The following COL1A2 variants were observed in gnomAD, a reference collection of about 807,000 sequenced individuals.
COL1A2 encodes collagen type I alpha 2 chain, also known as collagen alpha-2(I) chain.
Under a neutral mutation model 174.3 loss-of-function variants are expected in COL1A2, and 49 were observed. The ratio of observed to expected loss-of-function variants is 0.28; its 90% CI spans 0.22 to 0.36. COL1A2 has a LOEUF of 0.36. COL1A2 is among the 10% of genes least tolerant of loss of function. The pLI is 1.00. For synonymous variants in COL1A2, 655 were observed against 606.6 expected, an observed-to-expected ratio of 1.08 and a Z score of -1.17; for missense variants, 1,438 against 1,822.7, an observed-to-expected ratio of 0.79 and a Z score of 3.84.
intron 39 of COL1A2, chr7:94,422,728 C>A: frequency 1.8e-6 from 1 of 549,758 alleles, no homozygotes; most frequent in South Asian, 2.1e-5. Context: ...AGAAATTTGC[C>A]ATAGTCTCTC....
rs1166824139 is a variant in COL1A2 at position 94,427,537 on chromosome 7, G to A, written c.3268-90G>A. The A allele has an allele frequency of 2.4e-5, 34 of 1,440,778 alleles. No homozygotes were observed. The highest frequency in any genetic ancestry group is 2.3e-4 in the East Asian group (10 of 44,030). 89.2% of individuals were successfully genotyped at this position (1,440,778 alleles called of 1,614,324 possible). On this transcript the variant is annotated intron_variant, in intron 48 of 51. Transcript: ENST00000297268. ...TTTTTACTGATGAGAACATGCTTCC[G>A]TGTGAAGCTCAACTGAAAATCTGCT...
At chr7:94,411,715 G>C (rs899088285) in intron 23 of COL1A2, among the ~76,000 whole-genome samples, 1 of 152,190 alleles carries the variant, frequency 6.6e-6, no homozygotes, top group Non-Finnish European at 1.5e-5. Flanking sequence ...ACCAAATATA[G>C]CAATAAGAAA....
At chr7:94,395,592 G>A (rs1329169316) in intron 1 of COL1A2, 2 of 263,288 alleles carry the variant, frequency 7.6e-6, no homozygotes, top group African/African-American at 2.3e-5. Context: ...GGAGGAGGAG[G>A]ATGACGATGC....
rs35587403 is a variant in COL1A2 at position 94,411,033 on chromosome 7, GTTTT to G, written c.1252-10_1252-7del. On this transcript the variant is annotated intron_variant, in intron 22 of 51. Coordinates refer to ENST00000297268, the MANE Select transcript of COL1A2 (RefSeq NM_000089.4). Reference sequence around the variant, plus strand: ...GCTTTAGCATCCTCCTCCTCTATCTGTTTTTTTTTTTTTTTTGAATAGGGCCCTC... The same window carrying G: ...GCTTTAGCATCCTCCTCCTCTATCTGTTTTTTTTTTTTGAATAGGGCCCTC... 50 of 1,445,560 alleles carry G rather than the reference GTTTT, an allele frequency of 3.5e-5. No homozygotes were observed. The highest frequency in any genetic ancestry group is 3.1e-4 in the East Asian group (13 of 41,938). The allele number at this position is 1,445,560 out of a possible 1,614,324, so 89.5% of individuals were successfully genotyped here. A position where few individuals can be genotyped will look rare whatever the true frequency, so the allele number is the denominator to read the frequency against.
intron 21 of COL1A2, 109 bp from the exon 22 acceptor site, chr7:94,410,780 T>C: frequency 7.9e-7 from 1 of 1,266,298 alleles, no homozygotes; most frequent in Non-Finnish European, 1.1e-6. Flanking sequence ...TTGGCTTGGT[T>C]TGTGTCTGTA....
chr7:94,423,207 TG>T, intron 40 of COL1A2, 89 bp downstream of exon 40: 1 of 1,459,216 alleles, frequency 6.9e-7, no homozygotes. Context: ...ATCTATTTGT[TG>T]ATGAGTATTG....
chr7:94,424,676 C>T (rs895661468), intron 41 of COL1A2: 16 of 543,030 alleles, frequency 2.9e-5, no homozygotes, highest in South Asian at 4.1e-5. Context: ...GTTCTTTCCA[C>T]GCACTTAGGA....
rs754149044 is a variant in COL1A2, at chr7:94,427,852, G to A, written c.3493G>A (p.Asp1165Asn). ...SRKNPARTCRDLRLSHPEWSS... is the reference protein window; with the variant it reads ...SRKNPARTCRNLRLSHPEWSS... ...AAAGAACCCAGCTCGCACATGCCGT[G>A]ACTTGAGACTCAGCCACCCAGAGTG... Residue 1165 changes from aspartate (D) to asparagine (N), a missense_variant, in exon 49 of 52, where the codon GAC becomes AAC. Transcript: ENST00000297268. 6 of 1,614,164 alleles carry A rather than the reference G, an allele frequency of 3.7e-6. No homozygotes were observed. Among genetic ancestry groups the A allele is most frequent in the Non-Finnish European group, 3.4e-6 (4 of 1,180,036 alleles).
intron 32 of COL1A2, among the ~76,000 whole-genome samples, chr7:94,418,045 G>A (rs976434992): frequency 1.3e-5 from 2 of 152,170 alleles, no homozygotes; most frequent in African/African-American, 4.8e-5. Flanking sequence ...CAAACAGATG[G>A]TGTTGAGTAA....
chr7:94,422,318 G>GTGGTT (rs1180715990), intron 39 of COL1A2, among the ~76,000 whole-genome samples: 1 of 151,778 alleles, frequency 6.6e-6, no homozygotes, highest in Non-Finnish European at 1.5e-5. Flanking sequence ...GAATTTAAAG[G>GTGGTT]TGGTTTGGCC....
rs760626067 is a variant in COL1A2, at chr7:94,430,355, G to A, written c.4063G>A (p.Glu1355Lys). ...APLDIGGADQ[E>K]FFVDIGPVCF... is the part of the protein sequence containing the mutation. ...TTTGGACATCGGTGGTGCTGACCAG[G>A]AATTCTTTGTGGACATTGGCCCAGT... The change falls in exon 52 of 52, where the codon GAA becomes AAA. Residue 1355 changes from glutamate (E) to lysine (K), a missense_variant. This residue lies in a region of COL1A2 where 290 missense variants were observed against 298.1 expected (regional missense o/e 0.97). Coordinates refer to ENST00000297268, the MANE Select transcript of COL1A2 (RefSeq NM_000089.4). 2 of 1,613,860 alleles carry A rather than the reference G, an allele frequency of 1.2e-6. No homozygotes were observed. Among genetic ancestry groups the A allele is most frequent in the Non-Finnish European group, 1.7e-6 (2 of 1,179,932 alleles).
chr7:94,418,591 A>ATT, intron 33 of COL1A2, 39 bp downstream of exon 33: 4 of 1,477,802 alleles, frequency 2.7e-6, no homozygotes, highest in South Asian at 2.4e-5. Flanking sequence ...TCGTACTTGG[A>ATT]TTTTTTTTTT....
intron 34 of COL1A2, 100 bp downstream of exon 34, chr7:94,419,651 A>T: frequency 7.8e-7 from 1 of 1,288,020 alleles, no homozygotes; most frequent in Non-Finnish European, 1.1e-6. Context: ...GCTTGGTATA[A>T]AGCCTACTTA....
intron 5 of COL1A2, among the ~76,000 whole-genome samples, chr7:94,401,361 G>A (rs553749403): frequency 2.6e-5 from 4 of 152,018 alleles, no homozygotes; most frequent in African/African-American, 7.2e-5. Flanking sequence ...AAGAGGTGTC[G>A]GCCAAGTTTT....
intron 14 of COL1A2, 24 bp from the exon 15 acceptor site, chr7:94,408,312 A>G (rs765214534): frequency 1.2e-5 from 20 of 1,613,762 alleles, no homozygotes; most frequent in Non-Finnish European, 1.7e-5. Context: ...TTTCCACCTG[A>G]TCTTCCCTTT....
rs371272527 is a variant in COL1A2, at chr7:94,420,305, C to A, written c.2133+19C>A. The A allele has an allele frequency of 1.2e-6, 2 of 1,614,094 alleles. No homozygotes were observed. Among genetic ancestry groups the A allele is most frequent in the Non-Finnish European group, 1.7e-6 (2 of 1,180,024 alleles). On this transcript the variant is annotated intron_variant, in intron 35 of 51. Coordinates refer to ENST00000297268, the MANE Select transcript of COL1A2 (RefSeq NM_000089.4). The stretch of plus-strand genomic sequence containing the variant: ...AAGCCCTGTAAGTAAGAACCTGGGT[C>A]ATTTTGTATACTCACACCTCACAAT...
intron 3 of COL1A2, among the ~76,000 whole-genome samples, chr7:94,398,765 T>C (rs530192889): frequency 1.3e-5 from 2 of 152,230 alleles, no homozygotes; most frequent in South Asian, 2.1e-4. Flanking sequence ...AAAATGATCA[T>C]TTAATCTACA....
rs147219201 is a variant in COL1A2 at position 94,422,378 on chromosome 7, A to C, written c.2403+426A>C. The C allele has an allele frequency of 2.4e-3, 378 of 160,318 alleles. 2 individuals carry two copies. Among genetic ancestry groups the C allele is most frequent in the African/African-American group, 8.5e-3 (354 of 41,644 alleles). 9.9% of individuals were successfully genotyped at this position (160,318 alleles called of 1,614,324 possible). A position where few individuals can be genotyped will look rare whatever the true frequency, so the allele number is the denominator to read the frequency against. On this transcript the variant is annotated intron_variant, in intron 39 of 51. Coordinates refer to ENST00000297268, the MANE Select transcript of COL1A2 (RefSeq NM_000089.4). ...CTCCTGTCAGGACTCAAGAAAATTT[A>C]ATTAATTACCAAGGATTAAGTCTTC...
intron 4 of COL1A2, 36 bp downstream of exon 4, chr7:94,399,120 G>A (rs371850456): frequency 9.1e-5 from 144 of 1,589,064 alleles, no homozygotes; most frequent in Non-Finnish European, 1.1e-4. Flanking sequence ...GCTTCGTCCC[G>A]TATTTGAATA....
Sources: gnomAD v4.1 joint callset for allele counts (sites outside exome capture counted in the v4.1 genomes callset) on GRCh38, gnomAD v4.1.1 for gene constraint, gnomAD v4.1.1 regional missense constraint, MANE v1.5 for transcripts, NCBI Gene and HGNC (gene_info 2026-07-23, HGNC 2026-07-21) for gene names.